The following ZNF35 variants were observed in gnomAD, a reference collection of about 807,000 sequenced individuals.
The protein encoded by ZNF35 is zinc finger protein 35 (clone HF.10).
A neutral mutation model predicts 45.9 loss-of-function variants in ZNF35; 31 were observed. The observed-to-expected ratio is 0.68, with a 90% CI of 0.51 to 0.91. The LOEUF is 0.91. ZNF35 is among the 40% of genes least tolerant of loss of function. The pLI is 0.00. For missense variants in ZNF35, 515 were observed against 625.4 expected (o/e 0.82, Z 1.88); for synonymous variants, 205 against 220.2 (o/e 0.93, Z 0.61).
At position 44,651,190 on chromosome 3, in the gene ZNF35, G is replaced by A; in HGVS notation, c.123G>A (p.Glu41=). ...CATCCAGCCAACAAGTGCACTCCGAGAACATCAAAGTCTGGGCCCCAGTGC... is the reference window on the plus strand; with the variant it reads ...CATCCAGCCAACAAGTGCACTCCGAAAACATCAAAGTCTGGGCCCCAGTGC... The part of the protein sequence containing the change: ...GQASSQQVHS[E]NIKVWAPVQG... The change falls in exon 2 of 4, where the codon GAG becomes GAA. Residue 41 remains glutamate (E), a synonymous_variant. Transcript: ENST00000396056. The A allele has an allele frequency of 6.2e-7, 1 of 1,614,172 alleles. No homozygotes were observed. The highest frequency in any genetic ancestry group is 8.5e-7 in the Non-Finnish European group (1 of 1,180,036).
At chr3:44,654,975 A>T (rs1388530153) in intron 3 of ZNF35, among the ~76,000 whole-genome samples, 1 of 152,046 alleles carries the variant, frequency 6.6e-6, no homozygotes, top group Non-Finnish European at 1.5e-5. Flanking sequence ...CTCTACTAAA[A>T]ATTCAAAAAT....
chr3:44,657,186 A>AT (rs2125843740), intron 3 of ZNF35, among the ~76,000 whole-genome samples: 1 of 152,190 alleles, frequency 6.6e-6, no homozygotes, highest in Non-Finnish European at 1.5e-5. Flanking sequence ...CCACCCCAAC[A>AT]TCCTTGTCCC....
chr3:44,651,065 A>G lies in ZNF35; in HGVS notation c.-3A>G, dbSNP rs752330458. On this transcript the variant is annotated 5_prime_UTR_variant, in exon 2 of 4. Transcript: ENST00000396056. ...ATAGGAGTTCCCCTGCTGAGCAGAG[A>G]AGATGACTGCAGAATTGAGAGAAGC... 10 of 1,612,890 alleles carry G rather than the reference A, an allele frequency of 6.2e-6. No individual in the cohort carries two copies. The African/African-American group carries it at 1.3e-4, about 22-fold the overall frequency.
At chr3:44,646,604 T>C (rs940890158), upstream of ZNF35, 14 of 841,920 alleles carry the variant, frequency 1.7e-5, no homozygotes, top group Admixed American at 1.5e-4. Flanking sequence ...CAAAATATTA[T>C]TATGATGAAA....
At chr3:44,657,577 G>A (rs1343351124) in intron 3 of ZNF35, among the ~76,000 whole-genome samples, 3 of 152,182 alleles carry the variant, frequency 2.0e-5, no homozygotes, top group Non-Finnish European at 2.9e-5. Flanking sequence ...AGGTTCTGAA[G>A]CAATGTAAAG....
chr3:44,648,021 C>A (rs1703059940), upstream of ZNF35: 1 of 152,146 alleles, frequency 6.6e-6, no homozygotes, highest in Admixed American at 6.5e-5. Context: ...ATCTTTGCAA[C>A]TTCCTGTGAT....
Position 44,658,894 on chromosome 3 carries a change from G to T in ZNF35, c.531G>T (p.Val177=). Residue 177 remains valine (V), a synonymous_variant, in exon 4 of 4, where the codon GTG becomes GTT. Coordinates refer to ENST00000396056, the MANE Select transcript of ZNF35 (RefSeq NM_003420.4). The part of the protein sequence containing the change: ...IKREKKDFRQ[V]IVNDCHLPES... ...GAGAAAAGAAAGATTTCAGACAAGT[G>T]ATAGTGAATGACTGTCACTTACCTG... 6.2e-7 allele frequency: 1 copy of T among 1,612,774 alleles called. No homozygotes were observed. The highest frequency in any genetic ancestry group is 8.5e-7 in the Non-Finnish European group (1 of 1,179,774).
Position 44,651,038 on chromosome 3 carries a change from C to G in ZNF35, c.-30C>G. Reference sequence around the variant, plus strand: ...TTGACCTCTGCAGGGCAGCGCCCAGCTATAGGAGTTCCCCTGCTGAGCAGA... The same window carrying G: ...TTGACCTCTGCAGGGCAGCGCCCAGGTATAGGAGTTCCCCTGCTGAGCAGA... On this transcript the variant is annotated 5_prime_UTR_variant, in exon 2 of 4. Coordinates refer to ENST00000396056, the MANE Select transcript of ZNF35 (RefSeq NM_003420.4). The G allele has an allele frequency of 6.2e-7, 1 of 1,606,108 alleles. No individual in the cohort carries two copies. The highest frequency in any genetic ancestry group is 8.5e-7 in the Non-Finnish European group (1 of 1,177,264).
At chr3:44,647,905 C>G (rs1320235222), upstream of ZNF35, 1 of 152,044 alleles carries the variant, frequency 6.6e-6, no homozygotes, top group Non-Finnish European at 1.5e-5. Context: ...GGTGGTTACA[C>G]AAATCTATAG....
At chr3:44,650,011 T>G (rs2125836609) in intron 1 of ZNF35, among the ~76,000 whole-genome samples, 1 of 152,292 alleles carries the variant, frequency 6.6e-6, no homozygotes, top group African/African-American at 2.4e-5. Flanking sequence ...GGTGAACATA[T>G]AAGTATGTAA....
At chr3:44,656,478 C>T (rs1393219418) in intron 3 of ZNF35, among the ~76,000 whole-genome samples, 7 of 151,620 alleles carry the variant, frequency 4.6e-5, no homozygotes, top group Non-Finnish European at 1.0e-4. Flanking sequence ...GCAACCTCTG[C>T]CTCCTGGGTT....
chr3:44,648,140 A>G (rs1703066209), upstream of ZNF35: 1 of 152,196 alleles, frequency 6.6e-6, no homozygotes, highest in Admixed American at 6.5e-5. Context: ...AAAAGTTATA[A>G]AATACATGTT....
chr3:44,658,758 C>G lies in ZNF35; in HGVS notation c.395C>G (p.Ala132Gly). The G allele has an allele frequency of 1.9e-6, 3 of 1,593,014 alleles. No homozygotes were observed. The highest frequency in any genetic ancestry group is 2.6e-6 in the Non-Finnish European group (3 of 1,175,168). ...CCAAAAACTGAGATATGTGAGGAAG[C>G]TGAAAAACCCCTCATCATATCAGAA... Reference protein sequence around the residue: ...LVPKTEICEEAEKPLIISERI... With the variant: ...LVPKTEICEEGEKPLIISERI... The change falls in exon 4 of 4, where the codon GCT becomes GGT. Residue 132 changes from alanine to glycine, a missense_variant. Physicochemically the swap from Ala to Gly is moderately conservative, Grantham distance 60. Coordinates refer to ENST00000396056, the MANE Select transcript of ZNF35 (RefSeq NM_003420.4).
chr3:44,652,792 C>A, intron 3 of ZNF35, 91 bp downstream of exon 3: 1 of 1,326,540 alleles, frequency 7.5e-7, no homozygotes, highest in Non-Finnish European at 1.0e-6. Context: ...CCTAGGTTGA[C>A]CAACAGAGTA....
intron 1 of ZNF35, among the ~76,000 whole-genome samples, chr3:44,650,190 G>A (rs1441436455): frequency 2.6e-5 from 4 of 152,000 alleles, no homozygotes; most frequent in Non-Finnish European, 1.5e-5. Context: ...AGGTTATTGT[G>A]TAGCATTTAA....
intron 3 of ZNF35, among the ~76,000 whole-genome samples, chr3:44,653,693 C>T (rs1337529449): frequency 6.6e-6 from 1 of 152,168 alleles, no homozygotes; most frequent in Non-Finnish European, 1.5e-5. Context: ...GGCTTATCAA[C>T]TTGTTCTCTC....
intron 2 of ZNF35, 104 bp from the exon 3 acceptor site, chr3:44,652,453 C>A: frequency 8.2e-7 from 1 of 1,226,942 alleles, no homozygotes; most frequent in South Asian, 2.1e-5. Context: ...AAAAATTGTT[C>A]TATGGCCTCC....
chr3:44,657,040 G>A (rs1279442107), intron 3 of ZNF35, among the ~76,000 whole-genome samples: 1 of 152,142 alleles, frequency 6.6e-6, no homozygotes, highest in Non-Finnish European at 1.5e-5. Flanking sequence ...GGGCTCTACT[G>A]TATCCAGCAC....
intron 2 of ZNF35, among the ~76,000 whole-genome samples, chr3:44,652,106 T>A (rs190817823): frequency 1.3e-5 from 2 of 152,326 alleles, no homozygotes; most frequent in Admixed American, 1.3e-4. Context: ...TGCACCACAC[T>A]TTGATTCATG....
Sources: allele counts gnomAD v4.1 joint callset (sites outside exome capture counted in the v4.1 genomes callset), GRCh38; gene constraint gnomAD v4.1.1; transcripts MANE v1.5; gene names NCBI Gene and HGNC (gene_info 2026-07-23, HGNC 2026-07-21).